Variants in KIAA1217 observed in about 807,000 individuals in gnomAD.
KIAA1217 encodes KIAA1217.
A neutral mutation model predicts 163.9 loss-of-function variants in KIAA1217; 88 were observed. The observed-to-expected ratio is 0.54, with a 90% CI of 0.45 to 0.64. KIAA1217 has a LOEUF of 0.64. Ranked by LOEUF, KIAA1217 falls within the 30% of genes least tolerant of loss-of-function variation. The probability of loss-of-function intolerance (pLI) is 0.00; values close to 1 mark genes in which losing one functional copy is unlikely to be tolerated. For synonymous variants in KIAA1217, 903 were observed against 923.1 expected, an observed-to-expected ratio of 0.98 and a Z score of 0.39; for missense variants, 2,372 against 2,475.0, an observed-to-expected ratio of 0.96 and a Z score of 0.88.
At chr10:24,256,198 T>A (rs977272296) in intron 2 of KIAA1217, among the ~76,000 whole-genome samples, 2 of 152,156 alleles carry the variant, frequency 1.3e-5, no homozygotes, top group African/African-American at 4.8e-5. Flanking sequence ...AGGTCTGGCA[T>A]GTCCCATCTT....
intron 2 of KIAA1217, among the ~76,000 whole-genome samples, chr10:24,032,268 T>C (rs12247294): frequency 0.033 from 5,022 of 152,248 alleles, 294 homozygotes; most frequent in African/African-American, 0.12. Context: ...TGTCATTTTG[T>C]TTTGTTTTTG....
At chr10:24,098,277 C>T (rs1358177915) in intron 2 of KIAA1217, among the ~76,000 whole-genome samples, 2 of 151,998 alleles carry the variant, frequency 1.3e-5, no homozygotes, top group African/African-American at 4.8e-5. Flanking sequence ...AGATTCGCAC[C>T]TAACTGTGGA....
Position 24,494,587 on chromosome 10 carries a change from T to C in KIAA1217, c.1767T>C (p.Tyr589=). 1.9e-6 allele frequency: 3 copies of C among 1,610,994 alleles called. No homozygotes were observed. The highest frequency in any genetic ancestry group is 1.1e-5 in the South Asian group (1 of 90,886). ...SALFKGPITS[Y]SKDASSEKMM... is the part of the protein sequence containing the mutation. ...TTTTTAAAGGGCCCATTACAAGTTA[T>C]AGCAAAGATGCGTCTAGGTAAAAAA... The change falls in exon 7 of 21, where the codon TAT becomes TAC. Residue 589 remains tyrosine, a synonymous_variant. Coordinates refer to ENST00000376454, the MANE Select transcript of KIAA1217 (RefSeq NM_019590.5).
At chr10:23,817,194 A>ACT (rs146270883) in intron 1 of KIAA1217, among the ~76,000 whole-genome samples, 2,647 of 152,188 alleles carry the variant, frequency 0.017, 59 homozygotes, top group South Asian at 0.052. Context: ...AGGCTATATC[A>ACT]CTCTTCATTT....
intron 1 of KIAA1217, among the ~76,000 whole-genome samples, chr10:23,969,624 G>T (rs1423711499): frequency 6.6e-6 from 1 of 151,892 alleles, no homozygotes; most frequent in Non-Finnish European, 1.5e-5. Context: ...TTTTTAATTG[G>T]TTATTTATAT....
At chr10:24,037,354 G>A (rs1207804877) in intron 2 of KIAA1217, among the ~76,000 whole-genome samples, 1 of 152,088 alleles carries the variant, frequency 6.6e-6, no homozygotes, top group African/African-American at 2.4e-5. Flanking sequence ...GCCAGGCATG[G>A]TGGCAGGTGC....
chr10:23,733,099 C>T (rs550127628), intron 1 of KIAA1217, among the ~76,000 whole-genome samples: 32 of 151,924 alleles, frequency 2.1e-4, no homozygotes, highest in African/African-American at 7.5e-4. Context: ...CAGCACCATT[C>T]ACCTCCCAGG....
chr10:23,857,580 A>G (rs978088401), intron 1 of KIAA1217, among the ~76,000 whole-genome samples: 1 of 152,156 alleles, frequency 6.6e-6, no homozygotes, highest in African/African-American at 2.4e-5. Context: ...GGTCCATGTT[A>G]AAGGTATTAA....
At chr10:23,943,158 A>G (rs1042817210) in intron 1 of KIAA1217, among the ~76,000 whole-genome samples, 2 of 152,074 alleles carry the variant, frequency 1.3e-5, no homozygotes, top group African/African-American at 4.8e-5. Context: ...CATATATTTT[A>G]TACATGTGGA....
chr10:24,325,384 C>T (rs1252263870), intron 2 of KIAA1217, among the ~76,000 whole-genome samples: 3 of 152,056 alleles, frequency 2.0e-5, no homozygotes, highest in Non-Finnish European at 4.4e-5. Context: ...ATTATGGAAG[C>T]AGGATGAAAT....
chr10:24,312,660 T>C (rs2042860010), intron 2 of KIAA1217, among the ~76,000 whole-genome samples: 1 of 151,832 alleles, frequency 6.6e-6, no homozygotes, highest in African/African-American at 2.4e-5. Context: ...CTCATGTCTG[T>C]AATCCCAACA....
At chr10:24,043,091 G>C (rs1225405638) in intron 2 of KIAA1217, among the ~76,000 whole-genome samples, 1 of 152,172 alleles carries the variant, frequency 6.6e-6, no homozygotes, top group African/African-American at 2.4e-5. Context: ...CAGGAATTGA[G>C]AAATGTAGTA....
At chr10:24,545,649 C>T in intron 20 of KIAA1217, 178 bp from the exon 21 acceptor site, 1 of 1,422,920 alleles carries the variant, frequency 7.0e-7, no homozygotes, top group South Asian at 1.6e-5. Flanking sequence ...TTGCTATGTA[C>T]ATGGGGGGTT....
intron 2 of KIAA1217, among the ~76,000 whole-genome samples, chr10:24,038,431 A>G (rs1221431457): frequency 2.0e-5 from 3 of 152,212 alleles, no homozygotes; most frequent in Non-Finnish European, 4.4e-5. Context: ...GCTCAAACCA[A>G]GCATGGTCAC....
At chr10:24,517,188 AC>A (rs989259581) in intron 10 of KIAA1217, among the ~76,000 whole-genome samples, 2 of 147,758 alleles carry the variant, frequency 1.4e-5, no homozygotes, top group Admixed American at 1.3e-4. Flanking sequence ...AAAAAAAAAA[AC>A]TAAAAATATC....
intron 3 of KIAA1217, among the ~76,000 whole-genome samples, chr10:24,384,982 T>C (rs1426180049): frequency 6.6e-6 from 1 of 152,180 alleles, no homozygotes; most frequent in African/African-American, 2.4e-5. Flanking sequence ...TCAGACACTG[T>C]TACTGCCAGC....
At chr10:24,387,958 T>C (rs1223441962) in intron 3 of KIAA1217, among the ~76,000 whole-genome samples, 1 of 152,072 alleles carries the variant, frequency 6.6e-6, no homozygotes, top group African/African-American at 2.4e-5. Flanking sequence ...AGAGTCAATA[T>C]TGTGAAAATG....
chr10:24,147,871 GAGAAA>G (rs1484191643), intron 2 of KIAA1217, among the ~76,000 whole-genome samples: 1 of 94,884 alleles, frequency 1.1e-5, no homozygotes, highest in African/African-American at 4.0e-5. Flanking sequence ...AAGAAAGAAA[GAGAAA>G]AGAAAAGAAA....
At chr10:24,418,740 C>T (rs2366915) in intron 3 of KIAA1217, among the ~76,000 whole-genome samples, 47,146 of 151,876 alleles carry the variant, frequency 0.31, 7,799 homozygotes, top group African/African-American at 0.43. Context: ...GTTTGTAACC[C>T]TTTTTAAAAA....
Sources: gnomAD v4.1 joint callset for allele counts (sites outside exome capture counted in the v4.1 genomes callset) on GRCh38, gnomAD v4.1.1 for gene constraint, MANE v1.5 for transcripts, NCBI Gene and HGNC (gene_info 2026-07-23, HGNC 2026-07-21) for gene names.